GNAT2: variants seen among roughly 807,000 people sequenced by gnomAD.
GNAT2 encodes guanine nucleotide-binding protein G(t) subunit alpha-2.
GNAT2 carries 32 observed loss-of-function variants against 40.9 expected under a neutral mutation model. The ratio of observed to expected loss-of-function variants is 0.78; its 90% CI spans 0.59 to 1.05. The LOEUF is 1.05. GNAT2 is among the 50% of genes least tolerant of loss of function. GNAT2 has a pLI of 0.00. For missense variants in GNAT2, 355 were observed against 431.5 expected, an observed-to-expected ratio of 0.82 and a Z score of 1.57; for synonymous variants, 141 against 157.2, an observed-to-expected ratio of 0.90 and a Z score of 0.77.
chr1:109,604,691 C>T (rs963966542), intron 7 of GNAT2: 5 of 159,380 alleles, frequency 3.1e-5, no homozygotes, highest in South Asian at 1.8e-4. Flanking sequence ...TGCTACTTAG[C>T]GAGAAGTCGG....
chr1:109,603,410 C>G lies in GNAT2; in HGVS notation c.1009G>C (p.Asp337His). 6.2e-7 allele frequency: 1 copy of G among 1,606,476 alleles called. No homozygotes were observed. Among genetic ancestry groups the G allele is most frequent in the Non-Finnish European group, 8.5e-7 (1 of 1,173,118 alleles). Residue 337 changes from aspartate to histidine, a missense_variant, in exon 9 of 9, where the codon GAT becomes CAT. Physicochemically the swap from Asp to His is moderately conservative, Grantham distance 81 (BLOSUM62 -1). Transcript: ENST00000679935. ...TTGATGATAATATCTGTAACTGCAT[C>G]AAACACAAATTTGACATTCTGTGTA... ...TDTQNVKFVF[D>H]AVTDIIIKEN... is the part of the protein sequence containing the mutation.
intron 2 of GNAT2, 52 bp downstream of exon 2, chr1:109,612,701 G>A: frequency 1.8e-6 from 2 of 1,124,912 alleles, no homozygotes; most frequent in African/African-American, 1.5e-5. Flanking sequence ...AACCCTTCAG[G>A]AAAGTAGGAA....
intron 1 of GNAT2, chr1:109,616,597 G>A (rs1649956328): frequency 1.3e-5 from 2 of 152,198 alleles, no homozygotes; most frequent in South Asian, 4.1e-4. Flanking sequence ...TGAGTTAAAG[G>A]GATACTGCAG....
In GNAT2 at chr1:109,603,267, T is replaced by G; in HGVS notation, c.*87A>C. On this transcript the variant is annotated 3_prime_UTR_variant, in exon 9 of 9. Coordinates refer to ENST00000679935, the MANE Select transcript of GNAT2 (RefSeq NM_001377295.2). ...CCAAAGAATGGATTCATTCTTCATG[T>G]CATGGTATATTGACTATAATTTTCT... 1 of 752,714 alleles carries G rather than the reference T, an allele frequency of 1.3e-6. No individual in the cohort carries two copies. Among genetic ancestry groups the G allele is most frequent in the South Asian group, 1.4e-5 (1 of 69,364 alleles). 46.6% of individuals were successfully genotyped at this position (752,714 alleles called of 1,614,324 possible).
Position 109,608,638 on chromosome 1 carries a change from C to A in GNAT2, c.454G>T (p.Ala152Ser). ...RAAEYQLNDSASYYLNQLERI... is the reference protein window; with the variant it reads ...RAAEYQLNDSSSYYLNQLERI... ...CTCACCAGTCAGTCTTACTAAGATG[C>A]GGAGTCATTAAGCTGGTATTCTGCA... Residue 152 changes from alanine (A) to serine (S), a missense_variant, in exon 5 of 9, where the codon GCA (alanine) becomes TCA (serine). Transcript: ENST00000679935. 1.2e-6 allele frequency: 2 copies of A among 1,613,602 alleles called. No homozygotes were observed. The highest frequency in any genetic ancestry group is 1.7e-6 in the Non-Finnish European group (2 of 1,179,530).
chr1:109,605,642 G>A, intron 7 of GNAT2: 1 of 368,224 alleles, frequency 2.7e-6, no homozygotes, highest in South Asian at 2.2e-5. Context: ...AGAGTACTAA[G>A]TGTAACTCCT....
chr1:109,610,366 G>T, intron 3 of GNAT2, 99 bp downstream of exon 3: 2 of 1,257,830 alleles, frequency 1.6e-6, no homozygotes, highest in Admixed American at 1.7e-5. Flanking sequence ...TTTATACCTG[G>T]GCTCCTTGAG....
At chr1:109,604,166 C>T in intron 7 of GNAT2, 62 bp from the exon 8 acceptor site, 1 of 1,302,238 alleles carries the variant, frequency 7.7e-7, no homozygotes, top group South Asian at 1.2e-5. Context: ...TACCTACTTC[C>T]TGCTCTTGTT....
intron 4 of GNAT2, chr1:109,609,026 C>T: frequency 1.8e-6 from 1 of 553,668 alleles, no homozygotes; most frequent in Non-Finnish European, 3.2e-6. Flanking sequence ...GCAGGGGTCC[C>T]AGGTATTTCC....
chr1:109,606,888 G>T, intron 5 of GNAT2: 2 of 202,014 alleles, frequency 9.9e-6, no homozygotes, highest in Non-Finnish European at 1.0e-5. Context: ...CACCGACTTG[G>T]TGATATTTGA....
At chr1:109,606,543 A>G (rs1649604506) in intron 5 of GNAT2, 107 bp from the exon 6 acceptor site, 1 of 894,858 alleles carries the variant, frequency 1.1e-6, no homozygotes, top group South Asian at 1.3e-5. Flanking sequence ...GATAGAAATC[A>G]GGACTAGAAG....
chr1:109,608,967 G>T, intron 4 of GNAT2, 179 bp from the exon 5 acceptor site: 3 of 666,972 alleles, frequency 4.5e-6, no homozygotes, highest in Non-Finnish European at 8.1e-6. Flanking sequence ...ATGCTCCCCA[G>T]ATGCAGAGGG....
At chr1:109,604,176 T>A (rs1409748908) in intron 7 of GNAT2, 72 bp from the exon 8 acceptor site, 2 of 1,224,722 alleles carry the variant, frequency 1.6e-6, no homozygotes, top group Non-Finnish European at 2.4e-6. Flanking sequence ...CTGCTCTTGT[T>A]CCCCTTGGAG....
At chr1:109,613,481 C>T in intron 1 of GNAT2, 1 of 163,232 alleles carries the variant, frequency 6.1e-6, no homozygotes, top group South Asian at 1.5e-4. Flanking sequence ...AGGAATGTTT[C>T]AGCTCCCGCA....
rs909311863 is a variant in GNAT2, at chr1:109,608,669, C to T, written c.423G>A (p.Glu141=). ...CATTAAGCTGGTATTCTGCAGCTCT[C>T]TCGAAGCAGGCTTGCACCCCACCAT... ...WKDGGVQACF[E]RAAEYQLNDS... is the part of the protein sequence containing the mutation. The change falls in exon 5 of 9, where the codon GAG becomes GAA. Residue 141 remains glutamate (E), a synonymous_variant. Coordinates refer to ENST00000679935, the MANE Select transcript of GNAT2 (RefSeq NM_001377295.2). The T allele has an allele frequency of 1.5e-5, 24 of 1,614,018 alleles. No homozygotes were observed. The East Asian group carries it at 2.9e-4, about 19-fold the overall frequency.
intron 4 of GNAT2, chr1:109,609,093 G>T: frequency 4.6e-6 from 2 of 436,776 alleles, no homozygotes; most frequent in Admixed American, 3.5e-5. Flanking sequence ...ACAAAACGTG[G>T]GTCCTCTGCT....
rs115468261 is a variant in GNAT2, at chr1:109,608,084, C to T, written c.461+547G>A. On this transcript the variant is annotated intron_variant, in intron 5 of 8. Coordinates refer to ENST00000679935, the MANE Select transcript of GNAT2 (RefSeq NM_001377295.2). ...TTGCAATGATGGTACTAATTCCTGA[C>T]CACCTTCCCTTGGTTTGCCCTTGTA... 240 of 182,304 alleles carry T rather than the reference C, an allele frequency of 1.3e-3. 2 individuals carry two copies. The highest frequency in any genetic ancestry group is 1.9e-3 in the Non-Finnish European group (164 of 84,924). The allele number at this position is 182,304 out of a possible 1,614,324, so 11.3% of individuals were successfully genotyped here.
Position 109,608,807 on chromosome 1 carries a change from G to T in GNAT2, c.304-19C>A. On this transcript the variant is annotated intron_variant, in intron 4 of 8. Coordinates refer to ENST00000679935, the MANE Select transcript of GNAT2 (RefSeq NM_001377295.2). Reference sequence around the variant, plus strand: ...CGTCATCCTGTAATGCAGAAACCTGGTTAAGAACTTCACAGGAGTAATAGC... The same window carrying T: ...CGTCATCCTGTAATGCAGAAACCTGTTTAAGAACTTCACAGGAGTAATAGC... 6.2e-7 allele frequency: 1 copy of T among 1,609,900 alleles called. No homozygotes were observed. Among genetic ancestry groups the T allele is most frequent in the Non-Finnish European group, 8.5e-7 (1 of 1,176,206 alleles).
chr1:109,608,749 C>T lies in GNAT2; in HGVS notation c.343G>A (p.Glu115Lys). 6.2e-7 allele frequency: 1 copy of T among 1,613,936 alleles called. No homozygotes were observed. The highest frequency in any genetic ancestry group is 1.3e-5 in the African/African-American group (1 of 75,060). The change falls in exon 5 of 9, where the codon GAG becomes AAG. Residue 115 changes from glutamate to lysine, a missense_variant. Coordinates refer to ENST00000679935, the MANE Select transcript of GNAT2 (RefSeq NM_001377295.2). The stretch of plus-strand genomic sequence containing the variant: ...AGCTCAGGAGGCATGGTTCCCTCCT[C>T]AATGGAGTCAGCCAGGTTGTTGAGC... Reference protein sequence around the residue: ...RQLNNLADSIEEGTMPPELVE... With the variant: ...RQLNNLADSIKEGTMPPELVE...
Sources: gnomAD v4.1 joint callset for allele counts on GRCh38, gnomAD v4.1.1 for gene constraint, MANE v1.5 for transcripts, NCBI Gene and HGNC (gene_info 2026-07-23, HGNC 2026-07-21) for gene names.